Variants in PMS1 observed in about 807,000 individuals in gnomAD.
The protein encoded by PMS1 is PMS1 protein homolog 1.
A neutral mutation model predicts 93.1 loss-of-function variants in PMS1; 79 were observed. The observed-to-expected ratio is 0.85, with a 90% CI of 0.71 to 1.02. The LOEUF (loss-of-function observed/expected upper bound fraction) is 1.02. Ranked by LOEUF, PMS1 falls within the 50% of genes least tolerant of loss-of-function variation. The pLI is 0.00. For missense variants in PMS1, 1,064 were observed against 1,085.3 expected (o/e 0.98, Z 0.28); for synonymous variants, 335 against 363.4 (o/e 0.92, Z 0.89).
chr2:189,855,042 C>T lies in PMS1; in HGVS notation c.1770C>T (p.Leu590=), dbSNP rs780100887. 1.2e-6 allele frequency: 2 copies of T among 1,613,006 alleles called. No homozygotes were observed. Among genetic ancestry groups the T allele is most frequent in the East Asian group, 2.2e-5 (1 of 44,816 alleles). Residue 590 remains leucine, a synonymous_variant, in exon 9 of 13, where the codon CTC becomes CTT. Coordinates refer to ENST00000441310, the MANE Select transcript of PMS1 (RefSeq NM_000534.5). ...LFVQDHRPQF[L]IENPKTSLED... is the part of the protein sequence containing the mutation. ...TTCAAGATCATCGTCCTCAGTTTCT[C>T]ATAGAAAATCCTAAGACTAGTTTAG...
chr2:189,848,000 C>G (rs1439221832), intron 6 of PMS1, among the ~76,000 whole-genome samples: 1 of 152,168 alleles, frequency 6.6e-6, no homozygotes, highest in East Asian at 1.9e-4. Context: ...TAGTGGCCAG[C>G]TACAGTGTTA....
chr2:189,819,074 A>G (rs2051587610), intron 5 of PMS1, among the ~76,000 whole-genome samples: 1 of 152,136 alleles, frequency 6.6e-6, no homozygotes, highest in Non-Finnish European at 1.5e-5. Flanking sequence ...GTGAGTCTCC[A>G]TTGTCTATCA....
intron 5 of PMS1, among the ~76,000 whole-genome samples, chr2:189,825,753 A>G (rs924822209): frequency 2.6e-5 from 4 of 152,240 alleles, no homozygotes; most frequent in Non-Finnish European, 5.9e-5. Flanking sequence ...AAAGAGAGAC[A>G]TGAATTAAAG....
intron 12 of PMS1, among the ~76,000 whole-genome samples, chr2:189,874,980 T>TA (rs1283687048): frequency 1.3e-5 from 2 of 151,832 alleles, no homozygotes; most frequent in Non-Finnish European, 1.5e-5. Flanking sequence ...ATACTTTACC[T>TA]TTCAGTATGT....
chr2:189,814,315 CCA>C (rs1052784746), intron 4 of PMS1, among the ~76,000 whole-genome samples: 16 of 150,962 alleles, frequency 1.1e-4, no homozygotes, highest in South Asian at 8.4e-4. Context: ...AGACCCCCCC[CCA>C]AAAAAAAATC....
At chr2:189,795,655 C>A (rs2049288669) in intron 2 of PMS1, 114 bp from the exon 3 acceptor site, 1 of 843,186 alleles carries the variant, frequency 1.2e-6, no homozygotes. Context: ...ATCCATAATG[C>A]TATGCTTCCA....
In PMS1 at chr2:189,792,471, G is replaced by A. The variant is rs181112135; in HGVS notation, c.132+530G>A. ...TTCATTTTTGTGTCCTCTGTACCTGGCTAGTACCTAGTATGCACTAGGAAG... is the reference window on the plus strand; with the variant it reads ...TTCATTTTTGTGTCCTCTGTACCTGACTAGTACCTAGTATGCACTAGGAAG... On this transcript the variant is annotated intron_variant, in intron 2 of 12. Transcript: ENST00000441310. Among the ~76,000 whole-genome samples the A allele has an allele frequency of 5.8e-4, 88 of 151,892 alleles. No individual in the cohort carries two copies. The East Asian group carries it at 0.014, about 25-fold the overall frequency.
At chr2:189,793,227 ATCT>A (rs1177952963) in intron 2 of PMS1, among the ~76,000 whole-genome samples, 1 of 152,158 alleles carries the variant, frequency 6.6e-6, no homozygotes, top group Non-Finnish European at 1.5e-5. Context: ...CCCATTCTTG[ATCT>A]TCTCTCTGTG....
At chr2:189,812,173 T>C (rs1203330298) in intron 4 of PMS1, among the ~76,000 whole-genome samples, 1 of 152,068 alleles carries the variant, frequency 6.6e-6, no homozygotes, top group East Asian at 1.9e-4. Context: ...TGGTGGTGCA[T>C]ACCTGTAATC....
At chr2:189,874,419 T>G (rs2057394380) in intron 12 of PMS1, among the ~76,000 whole-genome samples, 1 of 152,190 alleles carries the variant, frequency 6.6e-6, no homozygotes, top group Admixed American at 6.6e-5. Context: ...GAAATTTTCA[T>G]TTTTGTGACA....
chr2:189,830,838 A>G (rs1018320219), intron 5 of PMS1, among the ~76,000 whole-genome samples: 1 of 151,952 alleles, frequency 6.6e-6, no homozygotes, highest in African/African-American at 2.4e-5. Flanking sequence ...AAAGGTAACA[A>G]CTGGACAGAG....
intron 10 of PMS1, among the ~76,000 whole-genome samples, chr2:189,864,683 AAAAAATATATATATATATATATATAT>A (rs1559324462): frequency 8.0e-4 from 31 of 38,588 alleles, no homozygotes; most frequent in Admixed American, 2.1e-3. Flanking sequence ...AAAAAAAAAA[AAAAAATATATATATATATATATATAT>A]ATATATATAT....
At position 189,854,915 on chromosome 2, in the gene PMS1, A is replaced by G. The variant is rs61736576; in HGVS notation, c.1643A>G (p.Lys548Arg). ...QMNLNEDSCNKKSNVIDNKSG... is the reference protein window; with the variant it reads ...QMNLNEDSCNRKSNVIDNKSG... ...AATCTTAATGAAGATTCATGTAACA[A>G]AAAATCAAATGTAATAGATAATAAA... The change falls in exon 9 of 13, where the codon AAA (lysine) becomes AGA (arginine). Residue 548 changes from lysine to arginine, a missense_variant. Lys to Arg is a conservative substitution (Grantham distance 26). Coordinates refer to ENST00000441310, the MANE Select transcript of PMS1 (RefSeq NM_000534.5). 1,461 of 1,605,128 alleles carry G rather than the reference A, an allele frequency of 9.1e-4. 8 individuals carry two copies. The African/African-American group carries it at 0.015, about 16-fold the overall frequency.
intron 9 of PMS1, among the ~76,000 whole-genome samples, chr2:189,861,613 G>T (rs1182119740): frequency 6.6e-6 from 1 of 151,852 alleles, no homozygotes; most frequent in Non-Finnish European, 1.5e-5. Flanking sequence ...GCCAGGGGTG[G>T]TGGTGCACCC....
At chr2:189,875,557 G>C (rs770732113) in intron 12 of PMS1, among the ~76,000 whole-genome samples, 15 of 152,102 alleles carry the variant, frequency 9.9e-5, no homozygotes, top group Non-Finnish European at 1.5e-4. Context: ...GAGTGTAGTA[G>C]TGGAAAAGTA....
chr2:189,839,487 CT>C (rs1374144929), intron 5 of PMS1, among the ~76,000 whole-genome samples: 1 of 152,238 alleles, frequency 6.6e-6, no homozygotes, highest in East Asian at 1.9e-4. Flanking sequence ...GATTTAGCCC[CT>C]ATCTGTCTAG....
At chr2:189,792,424 C>T (rs2048946317) in intron 2 of PMS1, among the ~76,000 whole-genome samples, 1 of 151,976 alleles carries the variant, frequency 6.6e-6, no homozygotes, top group South Asian at 2.1e-4. Flanking sequence ...ATTGCTAACA[C>T]ATAGAGATAT....
intron 2 of PMS1, among the ~76,000 whole-genome samples, 187 bp from the exon 3 acceptor site, chr2:189,795,582 C>G (rs900955637): frequency 6.6e-6 from 1 of 152,136 alleles, no homozygotes; most frequent in Non-Finnish European, 1.5e-5. Context: ...CCAGAGAAAA[C>G]AAGGGAGTTG....
At chr2:189,786,535 G>A (rs934155208) in intron 1 of PMS1, among the ~76,000 whole-genome samples, 9 of 152,158 alleles carry the variant, frequency 5.9e-5, no homozygotes, top group Non-Finnish European at 1.3e-4. Context: ...GTGCTTGGAT[G>A]GAAGGTGTTT....
Sources: allele counts gnomAD v4.1 joint callset (sites outside exome capture counted in the v4.1 genomes callset), GRCh38; gene constraint gnomAD v4.1.1; transcripts MANE v1.5; gene names NCBI Gene and HGNC (gene_info 2026-07-23, HGNC 2026-07-21).